Variants in TENM3 observed in about 807,000 individuals in gnomAD.
TENM3 encodes the protein teneurin-3.
In TENM3, 63 loss-of-function variants were observed where a neutral mutation model predicts 255.1. The observed-to-expected ratio is 0.25, with a 90% CI of 0.20 to 0.30. TENM3 has a LOEUF of 0.30. Among genes scored for constraint, TENM3 ranks in the 10% least tolerant of loss-of-function variants. TENM3 has a pLI of 1.00. For synonymous variants in TENM3, 1,306 were observed against 1,322.3 expected (o/e 0.99, Z 0.27); for missense variants, 2,929 against 3,461.1 (o/e 0.85, Z 3.86).
At chr4:182,378,051 G>A (rs538020563) in intron 3 of TENM3, among the ~76,000 whole-genome samples, 49 of 151,844 alleles carry the variant, frequency 3.2e-4, no homozygotes, top group African/African-American at 1.1e-3. Flanking sequence ...AAGGCAGTTC[G>A]CTTGCAAGGA....
At chr4:181,933,323 T>C in the TENM3 span, among the ~76,000 whole-genome samples, 1 of 152,204 alleles carries the variant, frequency 6.6e-6, no homozygotes, top group African/African-American at 2.4e-5. Context: ...ATCATAAATT[T>C]TATTTACAGT....
At chr4:181,647,169 T>G in the TENM3 span, among the ~76,000 whole-genome samples, 1 of 152,180 alleles carries the variant, frequency 6.6e-6, no homozygotes, top group Non-Finnish European at 1.5e-5. Context: ...AAGAACATGA[T>G]GACAACCTAA....
At chr4:182,003,105 A>G in the TENM3 span, among the ~76,000 whole-genome samples, 1 of 152,146 alleles carries the variant, frequency 6.6e-6, no homozygotes, top group South Asian at 2.1e-4. Context: ...GTAGATGCAC[A>G]GCATGCAGGT....
chr4:182,790,561 C>A (rs193223496), intron 25 of TENM3, among the ~76,000 whole-genome samples: 2 of 152,314 alleles, frequency 1.3e-5, no homozygotes, highest in East Asian at 3.9e-4. Context: ...CAGCCCCCCA[C>A]CTCTGGGATG....
chr4:182,681,173 TGA>T (rs1305542160), intron 10 of TENM3, among the ~76,000 whole-genome samples: 1 of 152,202 alleles, frequency 6.6e-6, no homozygotes, highest in African/African-American at 2.4e-5. Flanking sequence ...CGTATAATGA[TGA>T]GAGTCGAGAT....
At chr4:181,725,868 C>G in the TENM3 span, among the ~76,000 whole-genome samples, 3 of 152,076 alleles carry the variant, frequency 2.0e-5, no homozygotes, top group Non-Finnish European at 4.4e-5. Context: ...AATCCTAATA[C>G]CAGTACGATA....
chr4:182,097,938 C>A, the TENM3 span, among the ~76,000 whole-genome samples: 1 of 151,918 alleles, frequency 6.6e-6, no homozygotes, highest in Non-Finnish European at 1.5e-5. Flanking sequence ...GAATTCAGAC[C>A]CCAAGCAAAT....
intron 3 of TENM3, among the ~76,000 whole-genome samples, chr4:182,565,780 TAAG>T (rs894362487): frequency 1.2e-4 from 18 of 152,336 alleles, no homozygotes; most frequent in African/African-American, 3.8e-4. Context: ...TGACATTGTT[TAAG>T]AAGGAGAGAG....
At chr4:182,382,711 C>G (rs1767654215) in intron 3 of TENM3, among the ~76,000 whole-genome samples, 1 of 152,188 alleles carries the variant, frequency 6.6e-6, no homozygotes, top group Non-Finnish European at 1.5e-5. Context: ...CAGATCCACT[C>G]TGCACATTGA....
intron 2 of TENM3, among the ~76,000 whole-genome samples, chr4:182,337,192 A>G (rs2150591027): frequency 6.6e-6 from 1 of 152,326 alleles, no homozygotes; most frequent in South Asian, 2.1e-4. Flanking sequence ...AAAAGAAAAA[A>G]ATTGATAAAT....
intron 3 of TENM3, among the ~76,000 whole-genome samples, chr4:182,462,389 G>C (rs1039470650): frequency 1.3e-5 from 2 of 151,740 alleles, no homozygotes; most frequent in Non-Finnish European, 2.9e-5. Flanking sequence ...TTTATCTACA[G>C]ACTTAATGGG....
intron 3 of TENM3, among the ~76,000 whole-genome samples, chr4:182,590,838 A>G (rs1484389580): frequency 6.8e-6 from 1 of 147,496 alleles, no homozygotes; most frequent in Non-Finnish European, 1.5e-5. Context: ...ACAGAGCGAG[A>G]CTCCGTCTCA....
At chr4:182,236,495 T>C (rs950323344) in intron 1 of TENM3, among the ~76,000 whole-genome samples, 20 of 152,226 alleles carry the variant, frequency 1.3e-4, no homozygotes, top group African/African-American at 3.6e-4. Context: ...TTTCATGATA[T>C]GCTCATCCCT....
At chr4:181,697,417 A>T in the TENM3 span, among the ~76,000 whole-genome samples, 2 of 151,528 alleles carry the variant, frequency 1.3e-5, no homozygotes, top group Admixed American at 6.6e-5. Flanking sequence ...GTTTTGTTTG[A>T]CAGTCTTGCT....
intron 1 of TENM3, among the ~76,000 whole-genome samples, chr4:182,266,631 G>A (rs745343376): frequency 1.3e-5 from 2 of 152,046 alleles, no homozygotes; most frequent in Admixed American, 6.5e-5. Context: ...AACATGAATA[G>A]TACATTAACA....
chr4:182,234,692 A>G (rs1345357463), intron 1 of TENM3, among the ~76,000 whole-genome samples: 2 of 152,106 alleles, frequency 1.3e-5, no homozygotes, highest in Admixed American at 1.3e-4. Context: ...AGATTGCACC[A>G]CTGCACTCCA....
rs1156459353 is a variant in TENM3, at chr4:182,349,938, C to T, written c.511+3009C>T. 3 of 249,262 alleles carry T rather than the reference C, an allele frequency of 1.2e-5. No individual in the cohort carries two copies. In the East Asian group the frequency reaches 4.2e-4, roughly 35 times the overall value. 15.4% of individuals were successfully genotyped at this position (249,262 alleles called of 1,614,324 possible). A position where few individuals can be genotyped will look rare whatever the true frequency, so the allele number is the denominator to read the frequency against. On this transcript the variant is annotated intron_variant, in intron 3 of 27. Transcript: ENST00000511685. ...CACCAAAAGGAAACGAATTTAAGAG[C>T]CAGATGCTGATGTGTTTTCATCTGG...
chr4:182,352,284 A>C (rs2150711623), intron 3 of TENM3, among the ~76,000 whole-genome samples: 1 of 152,230 alleles, frequency 6.6e-6, no homozygotes, highest in Admixed American at 6.5e-5. Flanking sequence ...CTTTTAATTT[A>C]CTGTAATTAA....
the TENM3 span, among the ~76,000 whole-genome samples, chr4:182,013,615 G>A: frequency 1.3e-5 from 2 of 152,150 alleles, no homozygotes; most frequent in Non-Finnish European, 2.9e-5. Flanking sequence ...GGACCAGCCT[G>A]GAACTGAAAG....
Sources: allele counts gnomAD v4.1 joint callset (sites outside exome capture counted in the v4.1 genomes callset), GRCh38; gene constraint gnomAD v4.1.1; transcripts MANE v1.5; gene names NCBI Gene and HGNC (gene_info 2026-07-23, HGNC 2026-07-21).